Variants in FARP2 observed in about 807,000 individuals in gnomAD.
FARP2 encodes the protein FERM, ARHGEF and pleckstrin domain-containing protein 2.
In FARP2, 111 loss-of-function variants were observed where a neutral mutation model predicts 130.5. That is an observed-to-expected ratio of 0.85 (90% CI 0.73 to 1.00). The LOEUF is 1.00. Among genes scored for constraint, FARP2 ranks in the 50% least tolerant of loss-of-function variants. The pLI is 0.00. For missense variants in FARP2, 1,385 were observed against 1,346.3 expected, an observed-to-expected ratio of 1.03 and a Z score of -0.45; for synonymous variants, 504 against 516.9, an observed-to-expected ratio of 0.98 and a Z score of 0.34.
chr2:241,413,042 C>T (rs1318103902), intron 6 of FARP2, among the ~76,000 whole-genome samples: 4 of 152,100 alleles, frequency 2.6e-5, no homozygotes, highest in African/African-American at 9.7e-5. Context: ...TAATAATAAA[C>T]ACATTAAACT....
intron 13 of FARP2, among the ~76,000 whole-genome samples, chr2:241,455,660 G>A (rs1208915709): frequency 6.6e-6 from 1 of 151,582 alleles, no homozygotes; most frequent in Non-Finnish European, 1.5e-5. Context: ...GGGATTACAG[G>A]TATGAGCCAC....
At chr2:241,369,537 A>AT (rs567144854) in intron 1 of FARP2, among the ~76,000 whole-genome samples, 151 of 144,814 alleles carry the variant, frequency 1.0e-3, no homozygotes, top group African/African-American at 1.6e-3. Flanking sequence ...AGTCTTGTCT[A>AT]TTTTTTTTTT....
At chr2:241,392,323 T>A (rs990995318) in intron 2 of FARP2, among the ~76,000 whole-genome samples, 30 of 152,162 alleles carry the variant, frequency 2.0e-4, no homozygotes, top group African/African-American at 7.0e-4. Flanking sequence ...AAAAGGAATG[T>A]CTACAGGGTG....
At chr2:241,378,473 A>G (rs1051879964) in intron 2 of FARP2, among the ~76,000 whole-genome samples, 1 of 137,268 alleles carries the variant, frequency 7.3e-6, no homozygotes, top group Non-Finnish European at 1.5e-5. Flanking sequence ...GTGCAGTGGC[A>G]TAGTCAAAAC....
chr2:241,356,722 C>T (rs565525362), intron 1 of FARP2, among the ~76,000 whole-genome samples: 11 of 152,184 alleles, frequency 7.2e-5, no homozygotes, highest in Non-Finnish European at 1.0e-4. Context: ...CCCGCGTGGA[C>T]TCGCGGGTTG....
intron 2 of FARP2, among the ~76,000 whole-genome samples, chr2:241,399,386 A>G (rs774270094): frequency 5.3e-5 from 8 of 151,998 alleles, no homozygotes; most frequent in Non-Finnish European, 7.4e-5. Flanking sequence ...GCTTACTGCA[A>G]CCTCCACTCC....
At chr2:241,401,321 A>G (rs1271888783) in intron 2 of FARP2, among the ~76,000 whole-genome samples, 1 of 152,130 alleles carries the variant, frequency 6.6e-6, no homozygotes, top group Admixed American at 6.6e-5. Context: ...AAAAATTGAG[A>G]TGTTATAGAA....
In FARP2 at chr2:241,373,196, A is replaced by G. The variant is rs767074719; in HGVS notation, c.89A>G (p.Glu30Gly). Residue 30 changes from glutamate to glycine, a missense_variant, in exon 2 of 27, where the codon GAG becomes GGG. Physicochemically the swap from Glu to Gly is moderately conservative, Grantham distance 98 (BLOSUM62 -2). Coordinates refer to ENST00000264042, the MANE Select transcript of FARP2 (RefSeq NM_014808.4). ...ACCCCTGTGGGAGTTAGCACCCTTGAGCCTGGGCAGACTCTCTTGCCCAGA... is the reference window on the plus strand; with the variant it reads ...ACCCCTGTGGGAGTTAGCACCCTTGGGCCTGGGCAGACTCTCTTGCCCAGA... The part of the protein sequence containing the change: ...AQTPVGVSTL[E>G]PGQTLLPRMQ... 6.3e-7 allele frequency: 1 copy of G among 1,583,392 alleles called. No homozygotes were observed. The highest frequency in any genetic ancestry group is 8.6e-7 in the Non-Finnish European group (1 of 1,159,778).
chr2:241,471,652 C>T (rs1422209687), intron 18 of FARP2, among the ~76,000 whole-genome samples: 1 of 151,730 alleles, frequency 6.6e-6, no homozygotes, highest in Admixed American at 6.6e-5. Flanking sequence ...CGACACCACG[C>T]CTGTCTAATT....
rs189367824 is a variant in FARP2 at position 241,484,888 on chromosome 2, T to G, written c.2421+557T>G. Among the ~76,000 whole-genome samples the G allele has an allele frequency of 3.9e-5, 6 of 152,282 alleles. 1 individual carries two copies. The East Asian group carries it at 1.2e-3, about 29-fold the overall frequency. On this transcript the variant is annotated intron_variant, in intron 21 of 26. Transcript: ENST00000264042. ...TGTCCACTTGCCCTGAGCGTGTCCC[T>G]GCACTAGGCCTAGAACGGTACAGAC...
chr2:241,402,853 TATATATATATATATATATATATATATA>T (rs1305443796), intron 2 of FARP2, among the ~76,000 whole-genome samples: 6 of 10,552 alleles, frequency 5.7e-4, no homozygotes, highest in African/African-American at 9.7e-4. Flanking sequence ...TATATATATA[TATATATATATATATATATATATATATA>T]TTTTTTTTTT....
rs2064077128 is a variant in FARP2, at chr2:241,463,351, T to G, written c.1694T>G (p.Val565Gly). 1 of 1,613,916 alleles carries G rather than the reference T, an allele frequency of 6.2e-7. No homozygotes were observed. The highest frequency in any genetic ancestry group is 1.1e-5 in the South Asian group (1 of 91,076). The change falls in exon 16 of 27, where the codon GTG (valine) becomes GGG (glycine). Residue 565 changes from valine to glycine, a missense_variant. Physicochemically the swap from Val to Gly is moderately radical, Grantham distance 109. Coordinates refer to ENST00000264042, the MANE Select transcript of FARP2 (RefSeq NM_014808.4). ...EVITVWFRSA[V>G]VKEDAMPATL... ...TTCCCACAGTGGTTCCGCAGCGCAG[T>G]GGTGAAGGAGGACGCCATGCCTGCG...
chr2:241,467,059 A>C (rs2064191887), intron 17 of FARP2, among the ~76,000 whole-genome samples: 1 of 151,960 alleles, frequency 6.6e-6, no homozygotes, highest in South Asian at 2.1e-4. Flanking sequence ...GTTTGAAACC[A>C]GCCTGGCCAA....
intron 6 of FARP2, 41 bp downstream of exon 6, chr2:241,411,171 G>A (rs775399693): frequency 7.2e-7 from 1 of 1,384,282 alleles, no homozygotes; most frequent in South Asian, 1.2e-5. Flanking sequence ...CACTGACCAT[G>A]GCACAGATAT....
chr2:241,445,662 T>C (rs1405388303), intron 13 of FARP2: 3 of 152,108 alleles, frequency 2.0e-5, no homozygotes, highest in African/African-American at 7.2e-5. Context: ...AACCCTGAAA[T>C]TGAAAGAAGT....
Position 241,441,408 on chromosome 2 carries a change from G to A in FARP2, c.1263G>A (p.Glu421=), listed in dbSNP as rs1354634977. 6 of 1,614,252 alleles carry A rather than the reference G, an allele frequency of 3.7e-6. No individual in the cohort carries two copies. The Admixed American group carries it at 5.0e-5, about 13-fold the overall frequency. Residue 421 remains glutamate, a synonymous_variant, in exon 13 of 27, where the codon GAG becomes GAA. Coordinates refer to ENST00000264042, the MANE Select transcript of FARP2 (RefSeq NM_014808.4). ...PSTLVPSGLP[E]FKDSSSSLTD... is the part of the protein sequence containing the mutation. ...CTCTGGTCCCCTCTGGCCTGCCAGA[G>A]TTTAAGGACAGCAGCAGCTCCCTCA...
chr2:241,362,428 C>T (rs1404820092), intron 1 of FARP2, among the ~76,000 whole-genome samples: 1 of 151,734 alleles, frequency 6.6e-6, no homozygotes. Flanking sequence ...ATGGTGAAAC[C>T]CCATCTCACT....
At position 241,463,807 on chromosome 2, in the gene FARP2, T is replaced by C. The variant is rs564867961; in HGVS notation, c.1812-92T>C. 2.8e-4 allele frequency: 315 copies of C among 1,143,488 alleles called. 1 individual carries two copies. The highest frequency in any genetic ancestry group is 1.5e-3 in the Middle Eastern group (8 of 5,162). 70.8% of individuals were successfully genotyped at this position (1,143,488 alleles called of 1,614,324 possible). ...CAGAGCTTCACCACCTTCCTCCAGC[T>C]GGAACCAAGGCAGCTGTCACCCTGC... On this transcript the variant is annotated intron_variant, in intron 16 of 26. Coordinates refer to ENST00000264042, the MANE Select transcript of FARP2 (RefSeq NM_014808.4).
At chr2:241,414,345 A>G (rs1444495787) in intron 7 of FARP2, among the ~76,000 whole-genome samples, 3 of 152,204 alleles carry the variant, frequency 2.0e-5, no homozygotes, top group African/African-American at 7.2e-5. Context: ...TAGTCACCAA[A>G]GGGGAGCACT....
Sources: gnomAD v4.1 joint callset for allele counts (sites outside exome capture counted in the v4.1 genomes callset) on GRCh38, gnomAD v4.1.1 for gene constraint, MANE v1.5 for transcripts, NCBI Gene and HGNC (gene_info 2026-07-23, HGNC 2026-07-21) for gene names.